KCNH8: variants seen among roughly 807,000 people sequenced by gnomAD.
KCNH8 encodes potassium voltage-gated channel subfamily H member 8.
Under a neutral mutation model 103.6 loss-of-function variants are expected in KCNH8, and 70 were observed. The observed-to-expected ratio is 0.68, with a 90% CI of 0.56 to 0.82. The LOEUF (loss-of-function observed/expected upper bound fraction) is 0.82, where lower values mean the gene tolerates loss of function less well. Among genes scored for constraint, KCNH8 ranks in the 40% least tolerant of loss-of-function variants. The probability of loss-of-function intolerance (pLI) is 0.00; values close to 1 mark genes in which losing one functional copy is unlikely to be tolerated. For synonymous variants in KCNH8, 498 were observed against 489.4 expected, an observed-to-expected ratio of 1.02 and a Z score of -0.23; for missense variants, 1,217 against 1,329.9, an observed-to-expected ratio of 0.92 and a Z score of 1.32.
At position 19,181,197 on chromosome 3, in the gene KCNH8, G is replaced by T. The variant is rs114649353; in HGVS notation, c.76+32402G>T. Among the ~76,000 whole-genome samples, 1,162 of 152,226 alleles carry T rather than the reference G, an allele frequency of 7.6e-3. 14 individuals are homozygous for T. Among genetic ancestry groups the T allele is most frequent in the African/African-American group, 0.026 (1,070 of 41,536 alleles). The stretch of plus-strand genomic sequence containing the variant: ...AACATTCAGAAAATAATTTTTAAAA[G>T]ATATACTTTATCAAGAGGAAAATTG... On this transcript the variant is annotated intron_variant, in intron 1 of 15. Transcript: ENST00000328405.
rs974623456 is a variant in KCNH8, at chr3:19,397,134, T to TA, written c.1177+1832dup. ...CATATAGAGGTATTTATTTGTCAAT[T>TA]AAAAAAAAACAATCTGAATTGCTTC... is the stretch of plus-strand genomic sequence containing the variant. On this transcript the variant is annotated intron_variant, in intron 7 of 15. Coordinates refer to ENST00000328405, the MANE Select transcript of KCNH8 (RefSeq NM_144633.3). Among the ~76,000 whole-genome samples, 456 of 151,106 alleles carry TA rather than the reference T, an allele frequency of 3.0e-3. 5 individuals carry two copies. The highest frequency in any genetic ancestry group is 9.6e-3 in the African/African-American group (396 of 41,198).
intron 1 of KCNH8, among the ~76,000 whole-genome samples, chr3:19,195,222 C>G (rs2063589224): frequency 6.6e-6 from 1 of 151,820 alleles, no homozygotes; most frequent in Admixed American, 6.6e-5. Flanking sequence ...TGCCCTAACC[C>G]CTGTTCCAGT....
rs1159601075 is a variant in KCNH8 at position 19,186,022 on chromosome 3, T to C, written c.76+37227T>C. On this transcript the variant is annotated intron_variant, in intron 1 of 15. Transcript: ENST00000328405. ...ACCCTCATAGTTGTTGGACAAACTT[T>C]AGTGTCTCATGGAAAATAGGGATTT... Among the ~76,000 whole-genome samples, 3 of 152,086 alleles carry C rather than the reference T, an allele frequency of 2.0e-5. No homozygotes were observed. In the East Asian group the frequency reaches 5.8e-4, roughly 29 times the overall value.
At position 19,398,127 on chromosome 3, in the gene KCNH8, T is replaced by G. The variant is rs539482171; in HGVS notation, c.1177+2816T>G. Among the ~76,000 whole-genome samples the G allele has an allele frequency of 5.3e-5, 8 of 152,134 alleles. No homozygotes were observed. The South Asian group carries it at 1.4e-3, about 28-fold the overall frequency. On this transcript the variant is annotated intron_variant, in intron 7 of 15. Transcript: ENST00000328405. ...CAGTTTCCCAAAGGATAAAATTTCT[T>G]TCTAATTATTGTTAATTCCATAAAA...
intron 3 of KCNH8, among the ~76,000 whole-genome samples, chr3:19,327,515 CCT>C (rs572356529): frequency 8.1e-4 from 123 of 152,288 alleles, no homozygotes; most frequent in African/African-American, 2.8e-3. Flanking sequence ...GTCTTGAACT[CCT>C]GACCTCAAGC....
At chr3:19,531,795 C>G (rs746845068) in intron 15 of KCNH8, among the ~76,000 whole-genome samples, 4 of 152,180 alleles carry the variant, frequency 2.6e-5, no homozygotes, top group Non-Finnish European at 5.9e-5. Context: ...AAACAGCAGT[C>G]TTGAATGAAT....
intron 11 of KCNH8, among the ~76,000 whole-genome samples, chr3:19,462,316 T>C (rs2125193565): frequency 6.6e-6 from 1 of 152,348 alleles, no homozygotes; most frequent in Non-Finnish European, 1.5e-5. Flanking sequence ...GTTTCCTGAC[T>C]TTTTAATGAT....
At chr3:19,526,604 C>T (rs1185308993) in intron 15 of KCNH8, among the ~76,000 whole-genome samples, 1 of 151,910 alleles carries the variant, frequency 6.6e-6, no homozygotes, top group Admixed American at 6.6e-5. Context: ...TGGACACTGA[C>T]AACGCATGGT....
At position 19,438,234 on chromosome 3, in the gene KCNH8, G is replaced by A. The variant is rs758740707; in HGVS notation, c.1248G>A (p.Ser416=). Reference sequence around the variant, plus strand: ...GCAACAATACCTTGGGGGGCCCGTCGATCCGAAGTGCCTATATTGCCGCTC... The same window carrying A: ...GCAACAATACCTTGGGGGGCCCGTCAATCCGAAGTGCCTATATTGCCGCTC... The part of the protein sequence containing the change: ...YYGNNTLGGP[S]IRSAYIAALY... Residue 416 remains serine (S), a synonymous_variant, in exon 8 of 16, where the codon TCG becomes TCA. Coordinates refer to ENST00000328405, the MANE Select transcript of KCNH8 (RefSeq NM_144633.3). 1.7e-5 allele frequency: 28 copies of A among 1,613,890 alleles called. No individual in the cohort carries two copies. Among genetic ancestry groups the A allele is most frequent in the East Asian group, 2.2e-5 (1 of 44,872 alleles).
intron 7 of KCNH8, among the ~76,000 whole-genome samples, chr3:19,409,869 A>T (rs990228184): frequency 6.6e-6 from 1 of 152,202 alleles, no homozygotes; most frequent in African/African-American, 2.4e-5. Context: ...CCAAATTCAT[A>T]AAATGAGAAC....
chr3:19,342,605 C>T lies in KCNH8; in HGVS notation c.461C>T (p.Ser154Leu). Residue 154 changes from serine to leucine, a missense_variant, in exon 4 of 16, where the codon TCA becomes TTA. Coordinates refer to ENST00000328405, the MANE Select transcript of KCNH8 (RefSeq NM_144633.3). ...CCCCCAGACAAAGTCAAAGGAAGAT[C>T]AAGAGCAGGGACCCACTTTGACTCA... ...DKKEDKVKGR[S>L]RAGTHFDSAR... The T allele has an allele frequency of 6.2e-7, 1 of 1,610,354 alleles. No individual in the cohort carries two copies. Among genetic ancestry groups the T allele is most frequent in the Non-Finnish European group, 8.5e-7 (1 of 1,177,546 alleles).
intron 3 of KCNH8, among the ~76,000 whole-genome samples, chr3:19,315,270 T>C (rs555388581): frequency 1.3e-4 from 20 of 152,018 alleles, no homozygotes; most frequent in Non-Finnish European, 1.5e-5. Flanking sequence ...GGCATCCAAG[T>C]CTATGCAGGT....
intron 7 of KCNH8, among the ~76,000 whole-genome samples, chr3:19,437,742 A>T (rs2067222366): frequency 6.6e-6 from 1 of 152,200 alleles, no homozygotes; most frequent in Non-Finnish European, 1.5e-5. Context: ...ATCTAGACTT[A>T]TGGCTGTTGT....
intron 7 of KCNH8, among the ~76,000 whole-genome samples, chr3:19,415,085 A>C (rs2066842470): frequency 2.0e-5 from 3 of 152,016 alleles, no homozygotes; most frequent in Admixed American, 2.0e-4. Context: ...CAAATGTGTT[A>C]GTAAACCAAT....
chr3:19,327,834 A>G (rs1228200145), intron 3 of KCNH8, among the ~76,000 whole-genome samples: 2 of 152,158 alleles, frequency 1.3e-5, no homozygotes, highest in African/African-American at 4.8e-5. Context: ...TAGCAATATG[A>G]CACTAAGCAA....
chr3:19,453,666 GATTCGTGT>G (rs2067484302), intron 10 of KCNH8, among the ~76,000 whole-genome samples: 1 of 152,146 alleles, frequency 6.6e-6, no homozygotes, highest in African/African-American at 2.4e-5. Context: ...TCGTGAATGG[GATTCGTGT>G]CTTTATAGTA....
At chr3:19,371,106 A>G (rs376981030) in intron 5 of KCNH8, among the ~76,000 whole-genome samples, 3 of 151,554 alleles carry the variant, frequency 2.0e-5, no homozygotes, top group Non-Finnish European at 4.4e-5. Context: ...ATGATTTATA[A>G]TCCTTTGGGT....
intron 11 of KCNH8, among the ~76,000 whole-genome samples, chr3:19,493,640 T>C (rs1297620265): frequency 1.3e-5 from 2 of 152,106 alleles, no homozygotes; most frequent in East Asian, 1.9e-4. Flanking sequence ...AGTGAGAAAA[T>C]TGGCAAATAC....
intron 3 of KCNH8, among the ~76,000 whole-genome samples, chr3:19,294,340 G>A (rs976653307): frequency 1.3e-5 from 2 of 152,096 alleles, no homozygotes; most frequent in African/African-American, 2.4e-5. Context: ...AATTTTCAAC[G>A]TGGAACATTG....
Sources: gnomAD v4.1 joint callset for allele counts (sites outside exome capture counted in the v4.1 genomes callset) on GRCh38, gnomAD v4.1.1 for gene constraint, MANE v1.5 for transcripts, NCBI Gene and HGNC (gene_info 2026-07-23, HGNC 2026-07-21) for gene names.